Variants in FER1L6 observed in about 807,000 individuals in gnomAD.
The protein encoded by FER1L6 is fer-1-like protein 6.
In FER1L6, 177 loss-of-function variants were observed where a neutral mutation model predicts 219.2. The ratio of observed to expected loss-of-function variants is 0.81; its 90% CI spans 0.71 to 0.91. The LOEUF is 0.91. Ranked by LOEUF, FER1L6 falls within the 40% of genes least tolerant of loss-of-function variation. The pLI, the probability that FER1L6 is intolerant of heterozygous loss-of-function variation, is 0.00. For synonymous variants in FER1L6, 768 were observed against 824.3 expected, an observed-to-expected ratio of 0.93 and a Z score of 1.17; for missense variants, 2,153 against 2,259.9, an observed-to-expected ratio of 0.95 and a Z score of 0.96.
intron 21 of FER1L6, chr8:124,047,590 C>T (rs1222369666): frequency 6.6e-6 from 1 of 152,190 alleles, no homozygotes; most frequent in Non-Finnish European, 1.5e-5. Flanking sequence ...TTTGCTGTCC[C>T]ATTGCTTTCC....
At chr8:123,912,488 A>C (rs539021791) in intron 1 of FER1L6, among the ~76,000 whole-genome samples, 7 of 152,298 alleles carry the variant, frequency 4.6e-5, no homozygotes, top group Admixed American at 2.6e-4. Flanking sequence ...AACATGGGAC[A>C]TATACACATT....
chr8:123,867,393 G>A (rs1816854114), intron 1 of FER1L6, among the ~76,000 whole-genome samples: 1 of 152,098 alleles, frequency 6.6e-6, no homozygotes, highest in South Asian at 2.1e-4. Flanking sequence ...GGTCTTCTAT[G>A]GCCACATATT....
chr8:124,093,800 TTTA>T (rs1216154513), intron 34 of FER1L6, among the ~76,000 whole-genome samples: 11 of 151,884 alleles, frequency 7.2e-5, no homozygotes, highest in African/African-American at 2.4e-4. Context: ...TTTAATTATT[TTTA>T]TTATTTTAAT....
chr8:124,073,025 T>C (rs1196926317), intron 31 of FER1L6, among the ~76,000 whole-genome samples: 10 of 149,642 alleles, frequency 6.7e-5, no homozygotes, highest in Admixed American at 6.0e-4. Flanking sequence ...TTAGTAATCT[T>C]GAACAGCATT....
chr8:123,965,774 A>G (rs991226842), intron 3 of FER1L6, among the ~76,000 whole-genome samples: 1 of 152,214 alleles, frequency 6.6e-6, no homozygotes, highest in African/African-American at 2.4e-5. Context: ...TATATGCACT[A>G]TATCATTTAA....
intron 33 of FER1L6, among the ~76,000 whole-genome samples, chr8:124,086,425 T>C (rs1056127235): frequency 3.3e-5 from 5 of 151,526 alleles, no homozygotes; most frequent in Non-Finnish European, 5.9e-5. Context: ...TTTAAGCTGA[T>C]AACACTAACT....
chr8:124,006,510 G>T (rs1373527162), intron 13 of FER1L6, among the ~76,000 whole-genome samples: 4 of 152,164 alleles, frequency 2.6e-5, no homozygotes, highest in Admixed American at 1.3e-4. Flanking sequence ...GCACATATAT[G>T]CATGCATGTG....
At position 123,975,416 on chromosome 8, in the gene FER1L6, C is replaced by T. The variant is rs77187706; in HGVS notation, c.683+110C>T. The T allele has an allele frequency of 1.3e-4, 136 of 1,065,386 alleles. No individual in the cohort carries two copies. In the African/African-American group the frequency reaches 1.7e-3, roughly 14 times the overall value. 66.0% of individuals were successfully genotyped at this position (1,065,386 alleles called of 1,614,324 possible). A position where few individuals can be genotyped will look rare whatever the true frequency, so the allele number is the denominator to read the frequency against. ...GGTACATGAGAACCATGCTTCTTCT[C>T]AGCTTGGTCACCTGGCATTCTGCTC... On this transcript the variant is annotated intron_variant, in intron 8 of 40. Transcript: ENST00000522917.
chr8:124,022,915 ATTTATTTT>A (rs113553292), intron 17 of FER1L6, among the ~76,000 whole-genome samples: 87,329 of 150,936 alleles, frequency 0.58, 25,611 homozygotes, highest in African/African-American at 0.65. Context: ...CACTTTATTT[ATTTATTTT>A]TTTTTTTGAG....
chr8:124,090,499 A>G (rs185818539), intron 33 of FER1L6, among the ~76,000 whole-genome samples: 1 of 152,370 alleles, frequency 6.6e-6, no homozygotes, highest in East Asian at 1.9e-4. Context: ...CAAGACAAGC[A>G]TGCCTATTTC....
chr8:124,093,714 TTTGTC>T (rs1822151543), intron 34 of FER1L6, among the ~76,000 whole-genome samples: 5 of 151,498 alleles, frequency 3.3e-5, no homozygotes, highest in Non-Finnish European at 7.4e-5. Context: ...TGATTTCTTG[TTTGTC>T]TCTATCAACT....
At chr8:124,094,390 T>G (rs964362668) in intron 34 of FER1L6, among the ~76,000 whole-genome samples, 1 of 152,056 alleles carries the variant, frequency 6.6e-6, no homozygotes, top group East Asian at 1.9e-4. Flanking sequence ...CTCTCTAAAC[T>G]TTCCATCTCT....
intron 1 of FER1L6, among the ~76,000 whole-genome samples, chr8:123,872,989 C>T (rs10103366): frequency 0.28 from 42,812 of 152,130 alleles, 6,997 homozygotes; most frequent in Middle Eastern, 0.38. Flanking sequence ...CCATTGTCTC[C>T]CAGAGAGTCA....
chr8:123,922,699 T>C (rs1420978380), intron 1 of FER1L6, among the ~76,000 whole-genome samples: 5 of 152,344 alleles, frequency 3.3e-5, no homozygotes, highest in Admixed American at 6.5e-5. Flanking sequence ...GTTTCTGGAC[T>C]CTTAAGGTTC....
intron 1 of FER1L6, among the ~76,000 whole-genome samples, chr8:123,871,343 T>C (rs1816921454): frequency 6.6e-6 from 1 of 152,194 alleles, no homozygotes; most frequent in East Asian, 1.9e-4. Flanking sequence ...CATTCTTCAA[T>C]AAAAGAAACC....
At chr8:123,999,024 GC>G (rs1432935557) in intron 12 of FER1L6, among the ~76,000 whole-genome samples, 1 of 152,186 alleles carries the variant, frequency 6.6e-6, no homozygotes, top group Non-Finnish European at 1.5e-5. Flanking sequence ...GAAATCAGGG[GC>G]CCTGAGAACC....
At chr8:124,038,339 T>C (rs1004972672) in intron 19 of FER1L6, among the ~76,000 whole-genome samples, 38 of 152,236 alleles carry the variant, frequency 2.5e-4, no homozygotes, top group African/African-American at 8.2e-4. Context: ...TGCGTGCACA[T>C]ATTCTTATTT....
At chr8:123,983,035 G>T (rs1341170508) in intron 11 of FER1L6, among the ~76,000 whole-genome samples, 3 of 152,202 alleles carry the variant, frequency 2.0e-5, no homozygotes, top group Admixed American at 1.3e-4. Context: ...AAAGGGAGGA[G>T]AATTAGGTTT....
At chr8:123,967,693 C>T (rs1250159358) in intron 5 of FER1L6, among the ~76,000 whole-genome samples, 1 of 152,188 alleles carries the variant, frequency 6.6e-6, no homozygotes, top group Admixed American at 6.5e-5. Flanking sequence ...TGCAGTGGCT[C>T]ACACCTGTAA....
Sources: gnomAD v4.1 joint callset for allele counts (sites outside exome capture counted in the v4.1 genomes callset) on GRCh38, gnomAD v4.1.1 for gene constraint, MANE v1.5 for transcripts, NCBI Gene and HGNC (gene_info 2026-07-23, HGNC 2026-07-21) for gene names.